Variants in EEF2K observed in about 807,000 individuals in gnomAD.
The protein encoded by EEF2K is eukaryotic elongation factor 2 kinase, also known as alternative protein EEF2K.
Under a neutral mutation model 93.8 loss-of-function variants are expected in EEF2K, and 70 were observed. The observed-to-expected ratio is 0.75, with a 90% CI of 0.62 to 0.91. The LOEUF is 0.91. EEF2K is among the 40% of genes least tolerant of loss of function. The pLI is 0.00. For synonymous variants in EEF2K, 376 were observed against 380.8 expected (o/e 0.99, Z 0.15); for missense variants, 935 against 972.9 (o/e 0.96, Z 0.52).
rs2047531181 is a variant in EEF2K, at chr16:22,266,987, G to C, written c.1764+111G>C. The C allele has an allele frequency of 3.8e-6, 5 of 1,319,460 alleles. No homozygotes were observed. The East Asian group carries it at 1.2e-4, about 32-fold the overall frequency. 81.7% of individuals were successfully genotyped at this position (1,319,460 alleles called of 1,614,324 possible). On this transcript the variant is annotated intron_variant, in intron 15 of 17. Transcript: ENST00000263026. ...GCATTCACCTGCCTTCTATCCTGAGGTTTATGCATGCCACAAAAATGTCCC... is the reference window on the plus strand; with the variant it reads ...GCATTCACCTGCCTTCTATCCTGAGCTTTATGCATGCCACAAAAATGTCCC...
chr16:22,266,732 C>G lies in EEF2K; in HGVS notation c.1620C>G (p.Cys540Trp), dbSNP rs36095301. The G allele has an allele frequency of 1.2e-6, 2 of 1,613,720 alleles. No individual in the cohort carries two copies. Among genetic ancestry groups the G allele is most frequent in the Non-Finnish European group, 1.7e-6 (2 of 1,179,876 alleles). Residue 540 changes from cysteine (C) to tryptophan (W), a missense_variant, in exon 15 of 18, where the codon TGC (cysteine) becomes TGG (tryptophan). Coordinates refer to ENST00000263026, the MANE Select transcript of EEF2K (RefSeq NM_013302.5). ...GCTACCACGAGGGTGGGCGCTTCTG[C>G]GAGAAGGGCGAGGAGTGGGACCAGG... is the stretch of plus-strand genomic sequence containing the variant. ...MVRYHEGGRF[C>W]EKGEEWDQES...
intron 1 of EEF2K, among the ~76,000 whole-genome samples, chr16:22,212,017 C>G (rs1408515978): frequency 6.6e-6 from 1 of 151,710 alleles, no homozygotes; most frequent in African/African-American, 2.4e-5. Flanking sequence ...CTGAGCTGAC[C>G]CACCAGGAGT....
At chr16:22,265,470 C>T (rs1242786576) in intron 13 of EEF2K, among the ~76,000 whole-genome samples, 3 of 152,228 alleles carry the variant, frequency 2.0e-5, no homozygotes, top group Non-Finnish European at 4.4e-5. Flanking sequence ...CCTACCTGCT[C>T]TCCAAGCCTG....
At position 22,263,123 on chromosome 16, in the gene EEF2K, G is replaced by A; in HGVS notation, c.1313G>A (p.Ser438Asn). Reference sequence around the variant, plus strand: ...TTCTCTCCACAGGAGTCTGAGAATAGTGGGGACAGCGGATACCCCAGTGAG... The same window carrying A: ...TTCTCTCCACAGGAGTCTGAGAATAATGGGGACAGCGGATACCCCAGTGAG... ...HLDNHRESEN[S>N]GDSGYPSEKR... The change falls in exon 12 of 18, where the codon AGT becomes AAT. Residue 438 changes from serine to asparagine, a missense_variant. By Grantham distance (46) the Ser-to-Asn change is conservative. Transcript: ENST00000263026. 1.2e-6 allele frequency: 2 copies of A among 1,612,286 alleles called. No homozygotes were observed. The highest frequency in any genetic ancestry group is 1.7e-6 in the Non-Finnish European group (2 of 1,179,064).
rs762090346 is a variant in EEF2K, at chr16:22,256,829, G to T, written c.700G>T (p.Gly234Cys). The change falls in exon 7 of 18, where the codon GGC (glycine) becomes TGC (cysteine). Residue 234 changes from glycine (G) to cysteine (C), a missense_variant. Gly to Cys is a radical substitution (Grantham distance 159). Coordinates refer to ENST00000263026, the MANE Select transcript of EEF2K (RefSeq NM_013302.5). The part of the protein sequence containing the change: ...PLFHLEHYIE[G>C]KYIKYNSNSG... Reference sequence around the variant, plus strand: ...CTTCCACCTGGAGCACTACATCGAGGGCAAGTACATCAAGTACAACTCCAA... The same window carrying T: ...CTTCCACCTGGAGCACTACATCGAGTGCAAGTACATCAAGTACAACTCCAA... 1.2e-6 allele frequency: 2 copies of T among 1,614,170 alleles called. No homozygotes were observed. Among genetic ancestry groups the T allele is most frequent in the Admixed American group, 3.3e-5 (2 of 60,022 alleles).
chr16:22,284,038 G>C lies in EEF2K; in HGVS notation c.*42G>C. 1 of 1,492,992 alleles carries C rather than the reference G, an allele frequency of 6.7e-7. No homozygotes were observed. The highest frequency in any genetic ancestry group is 9.1e-7 in the Non-Finnish European group (1 of 1,101,338). 92.5% of individuals were successfully genotyped at this position (1,492,992 alleles called of 1,614,324 possible). On this transcript the variant is annotated 3_prime_UTR_variant, in exon 18 of 18. Transcript: ENST00000263026. ...CGGCTAGTCCCAAGCAAACGGGCTA[G>C]GAGGAAAGATTAAAAAAACAACAAC...
intron 16 of EEF2K, among the ~76,000 whole-genome samples, chr16:22,276,740 A>C (rs752193061): frequency 6.6e-6 from 1 of 152,178 alleles, no homozygotes; most frequent in African/African-American, 2.4e-5. Flanking sequence ...GGAGATAAAC[A>C]ATCTAGTCTA....
At chr16:22,267,739 G>A (rs531801869) in intron 15 of EEF2K, among the ~76,000 whole-genome samples, 62 of 152,270 alleles carry the variant, frequency 4.1e-4, no homozygotes, top group African/African-American at 1.3e-3. Context: ...AGGTGCACCC[G>A]TGTAGCTAGA....
At chr16:22,211,607 C>T (rs11644139) in intron 1 of EEF2K, among the ~76,000 whole-genome samples, 15,724 of 151,896 alleles carry the variant, frequency 0.1, 1,005 homozygotes, top group South Asian at 0.16. Flanking sequence ...CTATACAGGT[C>T]GTGTGCCACC....
At chr16:22,266,358 C>A (rs778357938) in intron 13 of EEF2K, 32 bp from the exon 14 acceptor site, 3 of 1,597,924 alleles carry the variant, frequency 1.9e-6, no homozygotes, top group Non-Finnish European at 2.6e-6. Context: ...ACCCCCAGCC[C>A]CTCGCTTCCC....
intron 17 of EEF2K, among the ~76,000 whole-genome samples, chr16:22,281,552 T>C (rs575994291): frequency 6.6e-6 from 1 of 152,352 alleles, no homozygotes; most frequent in South Asian, 2.1e-4. Flanking sequence ...TAGTGGGTTT[T>C]AGTATAGTCA....
At chr16:22,260,002 C>T (rs560137961) in intron 10 of EEF2K, among the ~76,000 whole-genome samples, 26 of 152,280 alleles carry the variant, frequency 1.7e-4, no homozygotes, top group Non-Finnish European at 2.8e-4. Flanking sequence ...ATCCACCTGC[C>T]TCGGCCTCCC....
At chr16:22,283,661 G>A (rs1194776544) in intron 17 of EEF2K, among the ~76,000 whole-genome samples, 2 of 152,136 alleles carry the variant, frequency 1.3e-5, no homozygotes, top group African/African-American at 4.8e-5. Context: ...TGGACCAATC[G>A]CTGTAGCTTG....
rs2047746455 is a variant in EEF2K, at chr16:22,285,602, T to G, written c.*1606T>G. 1 of 152,316 alleles carries G rather than the reference T, an allele frequency of 6.6e-6. No individual in the cohort carries two copies. The highest frequency in any genetic ancestry group is 6.5e-5 in the Admixed American group (1 of 15,272). The allele number at this position is 152,316 out of a possible 1,614,324, so 9.4% of individuals were successfully genotyped here. A position where few individuals can be genotyped will look rare whatever the true frequency, so the allele number is the denominator to read the frequency against. The stretch of plus-strand genomic sequence containing the variant: ...GGAGGGCCAAGGTGGGAGGATTGCT[T>G]GAGCTCAGGACTTCAAGACCAGCCT... On this transcript the variant is annotated 3_prime_UTR_variant, in exon 18 of 18. Transcript: ENST00000263026.
In EEF2K at chr16:22,208,891, C is replaced by T. The variant is rs147894266; in HGVS notation, c.-77+2212C>T. On this transcript the variant is annotated intron_variant, in intron 1 of 17. Transcript: ENST00000263026. Reference sequence around the variant, plus strand: ...TTCCTTACCATTCGGTAGGGCCACACGGCTGAGTTTTGGCTGATGAAATGT... The same window carrying T: ...TTCCTTACCATTCGGTAGGGCCACATGGCTGAGTTTTGGCTGATGAAATGT... Among the ~76,000 whole-genome samples the T allele has an allele frequency of 2.8e-4, 43 of 152,288 alleles. 1 individual carries two copies. Among genetic ancestry groups the T allele is most frequent in the African/African-American group, 8.4e-4 (35 of 41,582 alleles).
At chr16:22,243,247 A>ATT (rs568043657) in intron 2 of EEF2K, among the ~76,000 whole-genome samples, 22 of 118,498 alleles carry the variant, frequency 1.9e-4, no homozygotes, top group African/African-American at 1.6e-4. Context: ...GATGCAGCCT[A>ATT]TTTTTTTTTT....
intron 13 of EEF2K, chr16:22,265,173 T>C (rs904931105): frequency 3.3e-6 from 1 of 298,546 alleles, no homozygotes; most frequent in Non-Finnish European, 6.4e-6. Flanking sequence ...CACTTCGCAG[T>C]AATCAGTTTC....
At chr16:22,209,641 G>T (rs1420033288) in intron 1 of EEF2K, among the ~76,000 whole-genome samples, 1 of 152,208 alleles carries the variant, frequency 6.6e-6, no homozygotes, top group Non-Finnish European at 1.5e-5. Flanking sequence ...CCTGAAAGCT[G>T]CAGGTTATTA....
intron 1 of EEF2K, among the ~76,000 whole-genome samples, chr16:22,218,324 G>A (rs556890825): frequency 2.6e-5 from 4 of 152,328 alleles, no homozygotes; most frequent in African/African-American, 9.6e-5. Context: ...TGTGCTGGGC[G>A]TACACTAGTG....
Sources: gnomAD v4.1 joint callset for allele counts (sites outside exome capture counted in the v4.1 genomes callset) on GRCh38, gnomAD v4.1.1 for gene constraint, MANE v1.5 for transcripts, NCBI Gene and HGNC (gene_info 2026-07-23, HGNC 2026-07-21) for gene names.